The following PPAT variants were observed in gnomAD, a reference collection of about 807,000 sequenced individuals.
PPAT encodes the protein amidophosphoribosyltransferase.
A neutral mutation model predicts 60.2 loss-of-function variants in PPAT; 20 were observed. That is an observed-to-expected ratio of 0.33 (90% CI 0.23 to 0.48). The LOEUF is 0.48. Ranked by LOEUF, PPAT falls within the 20% of genes least tolerant of loss-of-function variation. The probability of loss-of-function intolerance (pLI) is 0.99; values close to 1 mark genes in which losing one functional copy is unlikely to be tolerated. For missense variants in PPAT, 349 were observed against 629.6 expected (o/e 0.55, Z 4.77); for synonymous variants, 194 against 215.1 (o/e 0.90, Z 0.86).
chr4:56,395,036 C>T lies in PPAT; in HGVS notation c.*316G>A, dbSNP rs536315832. 1.3e-4 allele frequency: 35 copies of T among 264,088 alleles called. No individual in the cohort carries two copies. Among genetic ancestry groups the T allele is most frequent in the African/African-American group, 7.6e-4 (33 of 43,318 alleles). The allele number at this position is 264,088 out of a possible 1,614,324, so 16.4% of individuals were successfully genotyped here. On this transcript the variant is annotated 3_prime_UTR_variant, in exon 11 of 11. Coordinates refer to ENST00000264220, the MANE Select transcript of PPAT (RefSeq NM_002703.5). Reference sequence around the variant, plus strand: ...TGGCATCACCTCTCCTTAACCCTAACTTCTTGCAAACCCTTTAAAGCATGG... The same window carrying T: ...TGGCATCACCTCTCCTTAACCCTAATTTCTTGCAAACCCTTTAAAGCATGG...
At position 56,393,594 on chromosome 4, in the gene PPAT, T is replaced by C. The variant is rs1715882822; in HGVS notation, c.*1758A>G. ...CAGAAAATTGTGAAGTAAAAGGCCA[T>C]GATGGAGAAATATTAAGAATCTGTA... On this transcript the variant is annotated 3_prime_UTR_variant, in exon 11 of 11. Coordinates refer to ENST00000264220, the MANE Select transcript of PPAT (RefSeq NM_002703.5). 6.6e-6 allele frequency: 1 copy of C among 152,550 alleles called. No individual in the cohort carries two copies. Among genetic ancestry groups the C allele is most frequent in the Non-Finnish European group, 1.5e-5 (1 of 68,036 alleles). 9.4% of individuals were successfully genotyped at this position (152,550 alleles called of 1,614,324 possible).
At chr4:56,405,133 G>C (rs934854622) in intron 3 of PPAT, among the ~76,000 whole-genome samples, 1 of 150,942 alleles carries the variant, frequency 6.6e-6, no homozygotes, top group African/African-American at 2.4e-5. Flanking sequence ...ATGAATGAAA[G>C]CATAGGCACA....
In PPAT at chr4:56,394,832, CAT is replaced by C. The variant is rs1715923160; in HGVS notation, c.*518_*519del. 6.7e-6 allele frequency: 1 copy of C among 148,738 alleles called. No homozygotes were observed. Among genetic ancestry groups the C allele is most frequent in the Non-Finnish European group, 1.5e-5 (1 of 67,600 alleles). 9.2% of individuals were successfully genotyped at this position (148,738 alleles called of 1,614,324 possible). ...ATTATTTAATAAGTATCCCATTGCACATGTGGGGAAACTGAGGCACCAGATTA... is the reference window on the plus strand; with the variant it reads ...ATTATTTAATAAGTATCCCATTGCACGTGGGGAAACTGAGGCACCAGATTA... On this transcript the variant is annotated 3_prime_UTR_variant, in exon 11 of 11. Coordinates refer to ENST00000264220, the MANE Select transcript of PPAT (RefSeq NM_002703.5).
intron 1 of PPAT, among the ~76,000 whole-genome samples, chr4:56,419,206 T>C (rs1286728592): frequency 6.6e-6 from 1 of 152,230 alleles, no homozygotes; most frequent in Non-Finnish European, 1.5e-5. Flanking sequence ...TTAAATTGTT[T>C]GTACCTATCC....
Position 56,403,090 on chromosome 4 carries a change from C to T in PPAT, c.611G>A (p.Arg204His). The stretch of plus-strand genomic sequence containing the variant: ...AATAAGACGACCAATGCATAAGGGA[C>T]GATTTCCATAAGGATCTCGTACTGC... Reference protein sequence around the residue: ...IYAVRDPYGNRPLCIGRLIPV... With the variant: ...IYAVRDPYGNHPLCIGRLIPV... The change falls in exon 5 of 11, where the codon CGT (arginine) becomes CAT (histidine). Residue 204 changes from arginine (R) to histidine (H), a missense_variant. Around this residue, in one of 5 missense-constraint regions of PPAT, gnomAD observed 63 missense variants for 86.9 expected, o/e 0.73. Transcript: ENST00000264220. 1.2e-6 allele frequency: 2 copies of T among 1,612,788 alleles called. No individual in the cohort carries two copies. The highest frequency in any genetic ancestry group is 8.5e-7 in the Non-Finnish European group (1 of 1,179,178).
At chr4:56,426,076 C>T (rs2110064053) in intron 1 of PPAT, among the ~76,000 whole-genome samples, 1 of 152,230 alleles carries the variant, frequency 6.6e-6, no homozygotes, top group South Asian at 2.1e-4. Flanking sequence ...TCACCAGTAT[C>T]CCATTTTAGA....
At position 56,417,210 on chromosome 4, in the gene PPAT, A is replaced by C. The variant is rs575129807; in HGVS notation, c.129-9494T>G. 2.0e-5 allele frequency among the ~76,000 whole-genome samples: 3 copies of C among 152,350 alleles called. No homozygotes were observed. In the East Asian group the frequency reaches 5.8e-4, roughly 29 times the overall value. ...TTACTTCTAACTTACATAATAGAAA[A>C]ACTTATTTGTAACCCAAATAAGAAA... is the stretch of plus-strand genomic sequence containing the variant. On this transcript the variant is annotated intron_variant, in intron 1 of 10. Transcript: ENST00000264220.
At chr4:56,397,408 A>C (rs1391282711) in intron 9 of PPAT, among the ~76,000 whole-genome samples, 1 of 152,200 alleles carries the variant, frequency 6.6e-6, no homozygotes, top group African/African-American at 2.4e-5. Context: ...CATAATCCTA[A>C]ACACAGGTAT....
rs1224955835 is a variant in PPAT at position 56,394,797 on chromosome 4, A to G, written c.*555T>C. 6.7e-6 allele frequency: 1 copy of G among 148,960 alleles called. No homozygotes were observed. The allele number at this position is 148,960 out of a possible 1,614,324, so 9.2% of individuals were successfully genotyped here. A position where few individuals can be genotyped will look rare whatever the true frequency, so the allele number is the denominator to read the frequency against. ...TCACAAAAGTATGACACTTATTCAC[A>G]TTCTTATTAATTATTTAATAAGTAT... On this transcript the variant is annotated 3_prime_UTR_variant, in exon 11 of 11. Transcript: ENST00000264220.
In PPAT at chr4:56,406,612, G is replaced by T. The variant is rs776490775; in HGVS notation, c.285C>A (p.Ala95=). 1.2e-6 allele frequency: 2 copies of T among 1,612,954 alleles called. No individual in the cohort carries two copies. Among genetic ancestry groups the T allele is most frequent in the African/African-American group, 1.3e-5 (1 of 74,968 alleles). Reference sequence around the variant, plus strand: ...TTTCTAGTTCACATTTTCCTGTGGTGGCATACCTGGTGTGTCCAATTCCAA... The same window carrying T: ...TTTCTAGTTCACATTTTCCTGTGGTTGCATACCTGGTGTGTCCAATTCCAA... ...SNLGIGHTRY[A]TTGKCELENC... The change falls in exon 3 of 11, where the codon GCC becomes GCA. Residue 95 remains alanine, a synonymous_variant. Transcript: ENST00000264220.
At chr4:56,431,413 GT>G in intron 1 of PPAT, 1 of 980,840 alleles carries the variant, frequency 1.0e-6, no homozygotes, top group Non-Finnish European at 1.2e-6. Flanking sequence ...TCTGTACTCT[GT>G]TTGCAGAACC....
intron 1 of PPAT, chr4:56,419,773 A>G: frequency 2.0e-6 from 2 of 985,082 alleles, no homozygotes; most frequent in Non-Finnish European, 2.4e-6. Context: ...ACAGTGAGAA[A>G]TAAGAGGATA....
rs2271924 is a variant in PPAT at position 56,402,162 on chromosome 4, T to C, written c.681A>G (p.Thr227=). The change falls in exon 6 of 11, where the codon ACA becomes ACG. Residue 227 remains threonine (T), a synonymous_variant. Transcript: ENST00000264220. Reference sequence around the variant, plus strand: ...ATTCTGAAGACACCACCCATCCTTCTGTTTCTGATGTTTTTTTCTCTGTAA... The same window carrying C: ...ATTCTGAAGACACCACCCATCCTTCCGTTTCTGATGTTTTTTTCTCTGTAA... ...INDKEKKTSE[T]EGWVVSSESC... 133,050 of 1,604,080 alleles carry C rather than the reference T, an allele frequency of 0.083. 6,455 individuals are homozygous for C. Among genetic ancestry groups the C allele is most frequent in the East Asian group, 0.22 (9,876 of 44,618 alleles).
At chr4:56,407,206 A>C (rs1232580556) in intron 2 of PPAT, among the ~76,000 whole-genome samples, 1 of 152,234 alleles carries the variant, frequency 6.6e-6, no homozygotes, top group East Asian at 1.9e-4. Context: ...TATAAAGTTG[A>C]AAGTGGCTGA....
At chr4:56,407,592 A>G in intron 2 of PPAT, 58 bp downstream of exon 2, 1 of 1,392,066 alleles carries the variant, frequency 7.2e-7, no homozygotes. Flanking sequence ...TCCTGGGATT[A>G]CAGGCATGAA....
chr4:56,425,358 A>G (rs1455424513), intron 1 of PPAT: 2 of 594,660 alleles, frequency 3.4e-6, no homozygotes, highest in Non-Finnish European at 4.2e-6. Context: ...AGAACTTTTC[A>G]TTTTAATCCA....
chr4:56,405,153 T>C lies in PPAT; in HGVS notation c.402+1342A>G, dbSNP rs2110040217. Among the ~76,000 whole-genome samples the C allele has an allele frequency of 1.3e-5, 2 of 151,050 alleles. 1 individual carries two copies. Among genetic ancestry groups the C allele is most frequent in the Middle Eastern group, 6.9e-3 (2 of 288 alleles). ...TGAAAGCATAGGCACAAATTTGACATCATTAGCACAGAAAGCTCCAAACAA... is the reference window on the plus strand; with the variant it reads ...TGAAAGCATAGGCACAAATTTGACACCATTAGCACAGAAAGCTCCAAACAA... On this transcript the variant is annotated intron_variant, in intron 3 of 10. Transcript: ENST00000264220.
intron 1 of PPAT, among the ~76,000 whole-genome samples, chr4:56,411,155 A>G (rs1385943242): frequency 1.3e-5 from 2 of 152,182 alleles, no homozygotes; most frequent in Non-Finnish European, 2.9e-5. Context: ...AATGGCACTG[A>G]CTGCTAGTGC....
In PPAT at chr4:56,402,062, C is replaced by G. The variant is rs758408689; in HGVS notation, c.734+47G>C. On this transcript the variant is annotated intron_variant, in intron 6 of 10. Coordinates refer to ENST00000264220, the MANE Select transcript of PPAT (RefSeq NM_002703.5). ...AATAAGAAACTGTCTAAAAAAAATT[C>G]TTTTCAACATGGGAAAATAAAATAT... The G allele has an allele frequency of 2.8e-6, 4 of 1,426,414 alleles. No homozygotes were observed. In the South Asian group the frequency reaches 4.0e-5, roughly 14 times the overall value. 88.4% of individuals were successfully genotyped at this position (1,426,414 alleles called of 1,614,324 possible). A position where few individuals can be genotyped will look rare whatever the true frequency, so the allele number is the denominator to read the frequency against.
Sources: allele counts gnomAD v4.1 joint callset (sites outside exome capture counted in the v4.1 genomes callset), GRCh38; gene constraint gnomAD v4.1.1; regional missense constraint gnomAD v4.1.1; transcripts MANE v1.5; gene names NCBI Gene and HGNC (gene_info 2026-07-23, HGNC 2026-07-21).